Variants in EDDM13 observed in about 807,000 individuals in gnomAD.
The protein encoded by EDDM13 is epididymal protein 13.
Under a neutral mutation model 17.8 loss-of-function variants are expected in EDDM13, and 24 were observed. That is an observed-to-expected ratio of 1.35 (90% CI 0.98 to 1.90). The LOEUF (loss-of-function observed/expected upper bound fraction) is 1.90, where lower values mean the gene tolerates loss of function less well. Among genes scored for constraint, EDDM13 ranks in the 40% most tolerant of loss-of-function variants. The pLI, the probability that EDDM13 is intolerant of heterozygous loss-of-function variation, is 0.00. For missense variants in EDDM13, 97 were observed against 100.8 expected (o/e 0.96, Z 0.16); for synonymous variants, 31 against 37.5 (o/e 0.83, Z 0.63).
intron 2 of EDDM13, among the ~76,000 whole-genome samples, chr19:56,277,505 C>T (rs2038352975): frequency 6.8e-6 from 1 of 147,296 alleles, no homozygotes; most frequent in African/African-American, 2.5e-5. Context: ...CATAGAGACA[C>T]AATGGACATT....
rs559357338 is a variant in EDDM13 at position 56,295,348 on chromosome 19, C to G, written c.233-611C>G. On this transcript the variant is annotated intron_variant, in intron 9 of 14. Transcript: ENST00000649256. ...GTAGCTCACACCTGTAATCCCAGCA[C>G]TTTGGGAGGCTGATGCGGGCGGATC... 5.9e-5 allele frequency among the ~76,000 whole-genome samples: 9 copies of G among 152,194 alleles called. No homozygotes were observed. The East Asian group carries it at 1.7e-3, about 29-fold the overall frequency.
At chr19:56,302,130 A>G (rs1236598340) in intron 13 of EDDM13, 35 bp downstream of exon 13, 1 of 1,226,638 alleles carries the variant, frequency 8.2e-7, no homozygotes, top group Non-Finnish European at 1.0e-6. Context: ...GAGGAGTGTG[A>G]GGAGAGGAAG....
At chr19:56,286,619 T>C (rs956949239) in intron 6 of EDDM13, 17 of 152,252 alleles carry the variant, frequency 1.1e-4, no homozygotes, top group African/African-American at 4.1e-4. Flanking sequence ...CCAAGGCTCT[T>C]TGTGTGAAGG....
rs367754273 is a variant in EDDM13 at position 56,286,932 on chromosome 19, G to C, written c.155-1453G>C. On this transcript the variant is annotated intron_variant, in intron 6 of 14. Transcript: ENST00000649256. ...CTATTTACCAGCACACACCACCCAGGACAAGTCTGTTTTCTTCCCGGTAAA... is the reference window on the plus strand; with the variant it reads ...CTATTTACCAGCACACACCACCCAGCACAAGTCTGTTTTCTTCCCGGTAAA... Among the ~76,000 whole-genome samples, 85 of 152,352 alleles carry C rather than the reference G, an allele frequency of 5.6e-4. No homozygotes were observed. In the South Asian group the frequency reaches 0.017, roughly 30 times the overall value.
intron 14 of EDDM13, among the ~76,000 whole-genome samples, chr19:56,307,913 A>G (rs1475048109): frequency 6.6e-6 from 1 of 152,238 alleles, no homozygotes; most frequent in Non-Finnish European, 1.5e-5. Context: ...CCTCTGCCCC[A>G]TTGATCAAGT....
intron 3 of EDDM13, among the ~76,000 whole-genome samples, chr19:56,282,094 G>A (rs552009393): frequency 8.2e-4 from 125 of 152,264 alleles, no homozygotes; most frequent in Non-Finnish European, 1.5e-3. Flanking sequence ...GTGGGTTTTA[G>A]ATGAGAAAAA....
At chr19:56,290,639 G>A (rs370290888) in intron 8 of EDDM13, among the ~76,000 whole-genome samples, 3 of 152,130 alleles carry the variant, frequency 2.0e-5, no homozygotes, top group African/African-American at 7.2e-5. Context: ...TGGGAGGAAG[G>A]CTTGAGCCCA....
chr19:56,302,329 T>TCCTC (rs1337355998), intron 13 of EDDM13, among the ~76,000 whole-genome samples: 15 of 122,394 alleles, frequency 1.2e-4, no homozygotes, highest in African/African-American at 4.5e-4. Flanking sequence ...TCCCTCCCCT[T>TCCTC]CCTCCTTCCC....
intron 13 of EDDM13, among the ~76,000 whole-genome samples, chr19:56,304,131 G>A (rs562147480): frequency 3.9e-5 from 6 of 152,330 alleles, no homozygotes; most frequent in Non-Finnish European, 4.4e-5. Context: ...CAGGGCGAGA[G>A]TGGGAGCAGA....
intron 9 of EDDM13, among the ~76,000 whole-genome samples, chr19:56,293,535 C>T (rs960490091): frequency 6.6e-5 from 10 of 152,108 alleles, no homozygotes; most frequent in African/African-American, 2.4e-4. Context: ...GCACTGTGGG[C>T]GCCGGTCCTG....
chr19:56,298,978 C>T (rs187547136), intron 12 of EDDM13, among the ~76,000 whole-genome samples: 9 of 152,266 alleles, frequency 5.9e-5, no homozygotes, highest in Admixed American at 4.6e-4. Flanking sequence ...ACATGTTAAA[C>T]AATCATGACT....
chr19:56,297,229 A>C (rs2147215354), intron 11 of EDDM13, among the ~76,000 whole-genome samples: 1 of 152,260 alleles, frequency 6.6e-6, no homozygotes, highest in Admixed American at 6.5e-5. Context: ...CCTGGGATCC[A>C]GGGACACAGG....
intron 12 of EDDM13, among the ~76,000 whole-genome samples, chr19:56,301,601 C>G (rs1298425529): frequency 1.3e-5 from 2 of 152,160 alleles, no homozygotes; most frequent in African/African-American, 2.4e-5. Context: ...AATGCCTTAA[C>G]CTACTGGGAA....
At position 56,297,489 on chromosome 19, in the gene EDDM13, ATC is replaced by A. The variant is rs779108171; in HGVS notation, c.269-12_269-11del. On this transcript the variant is annotated splice_polypyrimidine_tract_variant and intron_variant, in intron 11 of 14. Coordinates refer to ENST00000649256, the MANE Select transcript of EDDM13 (RefSeq NM_001354658.2). ...CTCTTCCTGCTTCTTTTTCTCCTCC[ATC>A]TCTTCATTTTTAGAAGAAACAAGTG... 3 of 971,420 alleles carry A rather than the reference ATC, an allele frequency of 3.1e-6. No homozygotes were observed. Among genetic ancestry groups the A allele is most frequent in the Non-Finnish European group, 3.6e-6 (3 of 825,834 alleles). 60.2% of individuals were successfully genotyped at this position (971,420 alleles called of 1,614,324 possible).
At chr19:56,293,380 CAA>C (rs1182205081) in intron 9 of EDDM13, among the ~76,000 whole-genome samples, 2 of 152,096 alleles carry the variant, frequency 1.3e-5, no homozygotes, top group African/African-American at 4.8e-5. Context: ...AATGCAAACT[CAA>C]AAGTGTTCAA....
intron 12 of EDDM13, among the ~76,000 whole-genome samples, chr19:56,299,278 C>T (rs1292833234): frequency 6.6e-6 from 1 of 151,856 alleles, no homozygotes; most frequent in East Asian, 1.9e-4. Flanking sequence ...ACCACAGGCA[C>T]GAGACACCAC....
At chr19:56,278,289 A>G (rs577001209) in intron 2 of EDDM13, among the ~76,000 whole-genome samples, 10 of 152,304 alleles carry the variant, frequency 6.6e-5, no homozygotes, top group Middle Eastern at 3.4e-3. Context: ...GCATGCCACC[A>G]TGCCTGGCTA....
At chr19:56,285,048 T>C in intron 6 of EDDM13, 24 bp downstream of exon 6, 2 of 983,800 alleles carry the variant, frequency 2.0e-6, no homozygotes, top group South Asian at 9.4e-5. Flanking sequence ...TTGTATCTTT[T>C]AAACCTGGTC....
At chr19:56,274,005 G>A (rs2038056299) in intron 1 of EDDM13, among the ~76,000 whole-genome samples, 1 of 152,158 alleles carries the variant, frequency 6.6e-6, no homozygotes, top group African/African-American at 2.4e-5. Flanking sequence ...ATGGGGATAA[G>A]TAGAAGGTTA....
Sources: gnomAD v4.1 joint callset for allele counts (sites outside exome capture counted in the v4.1 genomes callset) on GRCh38, gnomAD v4.1.1 for gene constraint, MANE v1.5 for transcripts, NCBI Gene and HGNC (gene_info 2026-07-23, HGNC 2026-07-21) for gene names.